Variants in PHYHD1 observed in about 807,000 individuals in gnomAD.
PHYHD1 encodes the protein phytanoyl-CoA dioxygenase domain-containing protein 1.
In PHYHD1, 42 loss-of-function variants were observed where a neutral mutation model predicts 43.6. The ratio of observed to expected loss-of-function variants is 0.96; its 90% CI spans 0.75 to 1.25. The LOEUF is 1.25. Among genes scored for constraint, PHYHD1 ranks in the 50% most tolerant of loss-of-function variants. PHYHD1 has a pLI of 0.00. For synonymous variants in PHYHD1, 139 were observed against 143.6 expected, an observed-to-expected ratio of 0.97 and a Z score of 0.23; for missense variants, 342 against 370.8, an observed-to-expected ratio of 0.92 and a Z score of 0.64.
chr9:128,938,043 A>C, intron 9 of PHYHD1: 19 of 1,187,492 alleles, frequency 1.6e-5, no homozygotes, highest in Admixed American at 3.1e-5. Flanking sequence ...GTGGTGGCTC[A>C]TGCCTGTAAT....
At position 128,941,583 on chromosome 9, in the gene PHYHD1, G is replaced by A; in HGVS notation, c.830+12G>A. 1.2e-6 allele frequency: 2 copies of A among 1,614,152 alleles called. No homozygotes were observed. Among genetic ancestry groups the A allele is most frequent in the Non-Finnish European group, 8.5e-7 (1 of 1,180,032 alleles). ...AGCCCGGAGAACTGGTAGGTGACAG[G>A]GTGGGTGTGTGTGCCCGACAGTCCC... On this transcript the variant is annotated intron_variant, in intron 12 of 12. Coordinates refer to ENST00000372592, the MANE Select transcript of PHYHD1 (RefSeq NM_001100876.2).
At position 128,933,870 on chromosome 9, in the gene PHYHD1, G is replaced by C. The variant is rs370096008; in HGVS notation, c.268+13G>C. On this transcript the variant is annotated intron_variant, in intron 5 of 12. Transcript: ENST00000372592. ...TTTGATGAGAAAGGTTTGGAGCTGGGGCCCTAGAGCTGGGGAGGAGCCATG... is the reference window on the plus strand; with the variant it reads ...TTTGATGAGAAAGGTTTGGAGCTGGCGCCCTAGAGCTGGGGAGGAGCCATG... The C allele has an allele frequency of 1.9e-6, 3 of 1,613,226 alleles. No homozygotes were observed. Among genetic ancestry groups the C allele is most frequent in the Non-Finnish European group, 2.5e-6 (3 of 1,179,246 alleles).
chr9:128,934,052 G>C lies in PHYHD1; in HGVS notation c.310G>C (p.Gly104Arg), dbSNP rs1841364562. The change falls in exon 6 of 13, where the codon GGC (glycine) becomes CGC (arginine). Residue 104 changes from glycine to arginine, a missense_variant. Physicochemically the swap from Gly to Arg is moderately radical, Grantham distance 125. Coordinates refer to ENST00000372592, the MANE Select transcript of PHYHD1 (RefSeq NM_001100876.2). The stretch of plus-strand genomic sequence containing the variant: ...TCCGGAGAAATCCATCAACAAAATT[G>C]GCCACGGTGAGCAGGGGCTTGGGGG... ...VPPEKSINKI[G>R]HALHAHDPVF... The C allele has an allele frequency of 6.2e-7, 1 of 1,613,744 alleles. No homozygotes were observed.
At chr9:128,940,129 C>T (rs1475402697) in intron 9 of PHYHD1, among the ~76,000 whole-genome samples, 1 of 152,174 alleles carries the variant, frequency 6.6e-6, no homozygotes, top group East Asian at 1.9e-4. Flanking sequence ...CTCATAGAAT[C>T]CTCCAGCACC....
At chr9:128,927,663 T>G (rs1216113211) in intron 4 of PHYHD1, among the ~76,000 whole-genome samples, 1 of 152,112 alleles carries the variant, frequency 6.6e-6, no homozygotes, top group Non-Finnish European at 1.5e-5. Flanking sequence ...AGGCTATTAT[T>G]ATCCCCCCAT....
At chr9:128,924,707 A>G (rs544581022) in intron 3 of PHYHD1, among the ~76,000 whole-genome samples, 1 of 151,768 alleles carries the variant, frequency 6.6e-6, no homozygotes, top group Non-Finnish European at 1.5e-5. Flanking sequence ...GTCCGAAGTG[A>G]GTGGATCACC....
chr9:128,936,939 A>G (rs1479748911), intron 8 of PHYHD1, among the ~76,000 whole-genome samples: 3 of 151,488 alleles, frequency 2.0e-5, no homozygotes, highest in African/African-American at 7.3e-5. Context: ...ACATGGAGAA[A>G]CCCCATCTCT....
At position 128,936,640 on chromosome 9, in the gene PHYHD1, T is replaced by C; in HGVS notation, c.430T>C (p.Phe144Leu). The C allele has an allele frequency of 6.4e-7, 1 of 1,553,180 alleles. No homozygotes were observed. Among genetic ancestry groups the C allele is most frequent in the African/African-American group, 1.4e-5 (1 of 73,282 alleles). ...MPVVVQSMYI[F>L]KQPHFGGEVS... is the part of the protein sequence containing the mutation. ...CGTGGTGGTGCAGAGCATGTACATC[T>C]TTAAGGTGAGCTCCTTGTCCTTGCC... The change falls in exon 8 of 13, where the codon TTT (phenylalanine) becomes CTT (leucine). Residue 144 changes from phenylalanine (F) to leucine (L), a missense_variant. By Grantham distance (22) the Phe-to-Leu change is conservative (BLOSUM62 0). Coordinates refer to ENST00000372592, the MANE Select transcript of PHYHD1 (RefSeq NM_001100876.2).
At chr9:128,922,131 G>A (rs1588241739) in intron 2 of PHYHD1, 84 bp downstream of exon 2, 2 of 595,418 alleles carry the variant, frequency 3.4e-6, no homozygotes, top group East Asian at 6.3e-5. Flanking sequence ...GCAAATCCTG[G>A]ATTAGTTGTG....
In PHYHD1 at chr9:128,927,178, G is replaced by A. The variant is rs372209052; in HGVS notation, c.174G>A (p.Glu58=). ...GCACAGAATTCTCCACCCAGGAAGAGGAGCAGCTTCGAGCCCAGGTAGGTG... is the reference window on the plus strand; with the variant it reads ...GCACAGAATTCTCCACCCAGGAAGAAGAGCAGCTTCGAGCCCAGGTAGGTG... ...HCRTEFSTQE[E]EQLRAQGSTD... Residue 58 remains glutamate, a synonymous_variant, in exon 4 of 13, where the codon GAG becomes GAA. Coordinates refer to ENST00000372592, the MANE Select transcript of PHYHD1 (RefSeq NM_001100876.2). 1.4e-5 allele frequency: 22 copies of A among 1,613,932 alleles called. No individual in the cohort carries two copies. Among genetic ancestry groups the A allele is most frequent in the African/African-American group, 1.3e-4 (10 of 74,890 alleles).
rs1397252787 is a variant in PHYHD1 at position 128,938,920 on chromosome 9, A to G, written c.457+1142A>G. Among the ~76,000 whole-genome samples the G allele has an allele frequency of 3.1e-5, 4 of 130,478 alleles. 1 individual carries two copies. The highest frequency in any genetic ancestry group is 7.1e-5 in the Non-Finnish European group (4 of 56,036). 85.6% of individuals were successfully genotyped at this position (130,478 alleles called of 152,430 possible). A position where few individuals can be genotyped will look rare whatever the true frequency, so the allele number is the denominator to read the frequency against. ...CCCTTTCCTTCCTTGCATGAGCCCA[A>G]GTCAGCCTCCTTGTGACCACCTTCT... On this transcript the variant is annotated intron_variant, in intron 9 of 12. Coordinates refer to ENST00000372592, the MANE Select transcript of PHYHD1 (RefSeq NM_001100876.2).
rs1331057788 is a variant in PHYHD1, at chr9:128,940,619, G to T, written c.607G>T (p.Val203Phe). Residue 203 changes from valine to phenylalanine, a missense_variant, in exon 11 of 13, where the codon GTC becomes TTC. By Grantham distance (50) the Val-to-Phe change is conservative. Transcript: ENST00000372592. ...SHTSGVSRRM[V>F]RAPVGSAPGT... ...TGCAGGTGGTGTGTCAAGAAGGATG[G>T]TCCGGGCCCCTGTTGGCTCAGCGCC... The T allele has an allele frequency of 6.2e-7, 1 of 1,613,976 alleles. No individual in the cohort carries two copies. The highest frequency in any genetic ancestry group is 2.2e-5 in the East Asian group (1 of 44,884).
chr9:128,941,795 G>T lies in PHYHD1; in HGVS notation c.*82G>T. The T allele has an allele frequency of 6.3e-7, 1 of 1,589,722 alleles. No homozygotes were observed. Among genetic ancestry groups the T allele is most frequent in the Non-Finnish European group, 8.6e-7 (1 of 1,159,694 alleles). On this transcript the variant is annotated 3_prime_UTR_variant, in exon 13 of 13. Coordinates refer to ENST00000372592, the MANE Select transcript of PHYHD1 (RefSeq NM_001100876.2). ...CACCAGTGCCTTGCTCAGCCTCCTG[G>T]TTGCAACAGGGAGGTCTTGTCTCCC...
chr9:128,926,863 T>C, intron 3 of PHYHD1, 175 bp from the exon 4 acceptor site: 1 of 838,486 alleles, frequency 1.2e-6, no homozygotes, highest in Non-Finnish European at 2.0e-6. Flanking sequence ...GTTCTTCCAT[T>C]CAAGCAGCCA....
chr9:128,937,201 C>T (rs538026586), intron 8 of PHYHD1, among the ~76,000 whole-genome samples: 4 of 151,956 alleles, frequency 2.6e-5, no homozygotes, highest in South Asian at 2.1e-4. Flanking sequence ...GTAGCTTGAA[C>T]CCAGGAGTTT....
rs1841560591 is a variant in PHYHD1 at position 128,941,520 on chromosome 9, A to G, written c.779A>G (p.Tyr260Cys). ...CTCTCTGACCGCTCGCGCCAGGCCT[A>G]CACTTTCCACCTCATGGAGGCCTCT... Reference protein sequence around the residue: ...QNLSDRSRQAYTFHLMEASGT... With the variant: ...QNLSDRSRQACTFHLMEASGT... Residue 260 changes from tyrosine to cysteine, a missense_variant, in exon 12 of 13, where the codon TAC (tyrosine) becomes TGC (cysteine). Coordinates refer to ENST00000372592, the MANE Select transcript of PHYHD1 (RefSeq NM_001100876.2). The G allele has an allele frequency of 6.2e-7, 1 of 1,613,946 alleles. No individual in the cohort carries two copies. The highest frequency in any genetic ancestry group is 1.3e-5 in the African/African-American group (1 of 74,876).
chr9:128,940,777 C>T, intron 11 of PHYHD1, 62 bp downstream of exon 11: 1 of 1,545,412 alleles, frequency 6.5e-7, no homozygotes, highest in Non-Finnish European at 8.9e-7. Context: ...GCTTGCTCGA[C>T]TACCCAGCGT....
intron 6 of PHYHD1, 121 bp downstream of exon 6, chr9:128,934,179 G>C (rs1841367838): frequency 9.4e-7 from 1 of 1,067,900 alleles, no homozygotes; most frequent in African/African-American, 1.6e-5. Flanking sequence ...CTTGAAGTCA[G>C]GAGTTCAAGA....
chr9:128,935,981 G>A (rs1316485789), intron 6 of PHYHD1, among the ~76,000 whole-genome samples: 2 of 152,120 alleles, frequency 1.3e-5, no homozygotes, highest in East Asian at 3.9e-4. Context: ...TTATGACAAT[G>A]AGGGACTATC....
Sources: gnomAD v4.1 joint callset for allele counts (sites outside exome capture counted in the v4.1 genomes callset) on GRCh38, gnomAD v4.1.1 for gene constraint, MANE v1.5 for transcripts, NCBI Gene and HGNC (gene_info 2026-07-23, HGNC 2026-07-21) for gene names.